The following CFAP65 variants were observed in gnomAD, a reference collection of about 807,000 sequenced individuals.
The protein encoded by CFAP65 is cilia- and flagella-associated protein 65.
In CFAP65, 155 loss-of-function variants were observed where a neutral mutation model predicts 208.0. The ratio of observed to expected loss-of-function variants is 0.75; its 90% CI spans 0.65 to 0.85. The LOEUF is 0.85. Ranked by LOEUF, CFAP65 falls within the 40% of genes least tolerant of loss-of-function variation. The pLI is 0.00. For synonymous variants in CFAP65, 970 were observed against 986.3 expected, an observed-to-expected ratio of 0.98 and a Z score of 0.31; for missense variants, 2,294 against 2,451.3, an observed-to-expected ratio of 0.94 and a Z score of 1.36.
intron 20 of CFAP65, 102 bp from the exon 21 acceptor site, chr2:219,019,281 C>A: frequency 7.1e-7 from 1 of 1,410,010 alleles, no homozygotes; most frequent in Non-Finnish European, 9.6e-7. Flanking sequence ...CAAGTGGGAA[C>A]TGGAGAATCT....
At position 219,023,262 on chromosome 2, in the gene CFAP65, C is replaced by G; in HGVS notation, c.2765G>C (p.Arg922Pro). The change falls in exon 16 of 35, where the codon CGA becomes CCA. Residue 922 changes from arginine to proline, a missense_variant. Coordinates refer to ENST00000341552, the MANE Select transcript of CFAP65 (RefSeq NM_194302.4). ...GGAGGGCTGGACAGCCAGCAGCTTT[C>G]GATGCTGCTCAGAGACCCTCCACTC... ...QFEWRVSEQHRKLLAVQPSRG... is the reference protein window; with the variant it reads ...QFEWRVSEQHPKLLAVQPSRG... The G allele has an allele frequency of 6.2e-7, 1 of 1,612,982 alleles. No homozygotes were observed. Among genetic ancestry groups the G allele is most frequent in the Non-Finnish European group, 8.5e-7 (1 of 1,179,874 alleles).
intron 13 of CFAP65, 60 bp from the exon 14 acceptor site, chr2:219,026,219 C>A: frequency 4.5e-6 from 7 of 1,555,402 alleles, no homozygotes; most frequent in Non-Finnish European, 6.1e-6. Flanking sequence ...TGTGGGGCAC[C>A]CCATTTTGCC....
rs143544623 is a variant in CFAP65 at position 219,030,164 on chromosome 2, G to C, written c.1206C>G (p.Ala402=). The C allele has an allele frequency of 6.2e-7, 1 of 1,614,130 alleles. No individual in the cohort carries two copies. The highest frequency in any genetic ancestry group is 1.3e-5 in the African/African-American group (1 of 75,020). ...FRIEISPDEL[A]EDQAFSCPTA... is the part of the protein sequence containing the mutation. ...TGGGGCATGAGAAGGCCTGGTCTTC[G>C]GCCAGTTCATCCGGGGAAATTTCAA... The change falls in exon 10 of 35, where the codon GCC becomes GCG. Residue 402 remains alanine (A), a synonymous_variant. Coordinates refer to ENST00000341552, the MANE Select transcript of CFAP65 (RefSeq NM_194302.4).
Position 219,010,918 on chromosome 2 carries a change from T to C in CFAP65, c.4036A>G (p.Lys1346Glu), listed in dbSNP as rs746957119. 20 of 1,613,788 alleles carry C rather than the reference T, an allele frequency of 1.2e-5. No individual in the cohort carries two copies. In the South Asian group the frequency reaches 1.9e-4, roughly 15 times the overall value. ...CAAAAGATGGGGTGATCAAAATTTT[T>C]TTCCTGAACCTGTGACAGGACATCG... The part of the protein sequence containing the change: ...QTDVLSQVQE[K>E]NFDHPIFCCL... The change falls in exon 25 of 35, where the codon AAA (lysine) becomes GAA (glutamate). Residue 1346 changes from lysine (K) to glutamate (E), a missense_variant. By Grantham distance (56) the Lys-to-Glu change is moderately conservative (BLOSUM62 1). Transcript: ENST00000341552.
In CFAP65 at chr2:219,004,528, C is replaced by T; in HGVS notation, c.5052-73G>A. The T allele has an allele frequency of 1.3e-6, 2 of 1,499,434 alleles. No individual in the cohort carries two copies. The highest frequency in any genetic ancestry group is 1.8e-6 in the Non-Finnish European group (2 of 1,118,752). 92.9% of individuals were successfully genotyped at this position (1,499,434 alleles called of 1,614,324 possible). A position where few individuals can be genotyped will look rare whatever the true frequency, so the allele number is the denominator to read the frequency against. On this transcript the variant is annotated intron_variant, in intron 32 of 34. Transcript: ENST00000341552. This position sits in a 1 kb window ranked among gnomAD's most constrained non-coding sequence, Gnocchi z 4.7. ...CCCCTGGGGAGCCCTGGCTTCAGAG[C>T]TAGGTTCTAGGTGGGAAAGGGGCTG...
At chr2:219,025,317 T>G (rs6727040) in intron 14 of CFAP65, among the ~76,000 whole-genome samples, 9,320 of 152,174 alleles carry the variant, frequency 0.061, 935 homozygotes, top group African/African-American at 0.21. Flanking sequence ...GGGTGGTATA[T>G]GTTTGGGATA....
Position 219,019,731 on chromosome 2 carries a change from G to A in CFAP65, c.3260-12C>T, listed in dbSNP as rs374894795. ...CCCAGCCTTGTTATCTGGGGAGGGG[G>A]GTGAGGAAGACAGAAGTGGGCTTGC... On this transcript the variant is annotated splice_polypyrimidine_tract_variant and intron_variant, in intron 19 of 34. Coordinates refer to ENST00000341552, the MANE Select transcript of CFAP65 (RefSeq NM_194302.4). The A allele has an allele frequency of 2.5e-4, 400 of 1,610,862 alleles. No individual in the cohort carries two copies. Among genetic ancestry groups the A allele is most frequent in the Non-Finnish European group, 3.3e-4 (391 of 1,178,660 alleles).
At position 219,031,755 on chromosome 2, in the gene CFAP65, G is replaced by C; in HGVS notation, c.646-97C>G. 1 of 1,456,462 alleles carries C rather than the reference G, an allele frequency of 6.9e-7. No homozygotes were observed. Among genetic ancestry groups the C allele is most frequent in the East Asian group, 2.3e-5 (1 of 43,118 alleles). 90.2% of individuals were successfully genotyped at this position (1,456,462 alleles called of 1,614,324 possible). A position where few individuals can be genotyped will look rare whatever the true frequency, so the allele number is the denominator to read the frequency against. On this transcript the variant is annotated intron_variant, in intron 6 of 34. Transcript: ENST00000341552. The surrounding 1 kb of genome is among the most constrained non-coding windows in gnomAD (Gnocchi z 5.2). ...CAGCCACCCCCAACACAACCGCTGAGGGGAGGGCCAGGCCGTGGCACCCAC... is the reference window on the plus strand; with the variant it reads ...CAGCCACCCCCAACACAACCGCTGACGGGAGGGCCAGGCCGTGGCACCCAC...
chr2:219,027,642 GCACA>G lies in CFAP65; in HGVS notation c.2211+4_2211+7del. 6.2e-7 allele frequency: 1 copy of G among 1,613,726 alleles called. No individual in the cohort carries two copies. The highest frequency in any genetic ancestry group is 8.5e-7 in the Non-Finnish European group (1 of 1,180,040). On this transcript the variant is annotated splice_donor_5th_base_variant and intron_variant, in intron 13 of 34. Transcript: ENST00000341552. ...CCCGCATTCCTCCCTCTCATTGCGT[GCACA>G]CACCTTATAGATGGCGAAGGCTTCG...
chr2:219,029,303 A>G (rs1947858144), intron 11 of CFAP65, 100 bp downstream of exon 11: 11 of 1,447,996 alleles, frequency 7.6e-6, no homozygotes, highest in Non-Finnish European at 1.0e-5. Flanking sequence ...CAGCCCTAGA[A>G]GTTCCAGAAT....
Position 219,028,376 on chromosome 2 carries a change from C to T in CFAP65, c.1676G>A (p.Gly559Glu). Residue 559 changes from glycine (G) to glutamate (E), a missense_variant, in exon 12 of 35, where the codon GGG becomes GAG. Around this residue, in one of 2 missense-constraint regions of CFAP65, gnomAD observed 867 missense variants for 1,012.6 expected, o/e 0.86. Transcript: ENST00000341552. ...CTTGGTGCTGTCCGAGTGGCAGGTC[C>T]CCATCAGGTCCAGGAACAGTGGGTC... Reference protein sequence around the residue: ...HQDPLFLDLMGTCHSDSTKPA... With the variant: ...HQDPLFLDLMETCHSDSTKPA... 2 of 1,613,316 alleles carry T rather than the reference C, an allele frequency of 1.2e-6. No homozygotes were observed. The highest frequency in any genetic ancestry group is 1.7e-6 in the Non-Finnish European group (2 of 1,179,924).
In CFAP65 at chr2:219,035,598, T is replaced by G. The variant is rs75663378; in HGVS notation, c.424A>C (p.Ile142Leu). 1.2e-3 allele frequency: 1,915 copies of G among 1,614,144 alleles called. 38 individuals carry two copies. The East Asian group carries it at 0.033, about 28-fold the overall frequency. The change falls in exon 5 of 35, where the codon ATC (isoleucine) becomes CTC (leucine). Residue 142 changes from isoleucine (I) to leucine (L), a missense_variant. Ile to Leu is a conservative substitution (Grantham distance 5). Coordinates refer to ENST00000341552, the MANE Select transcript of CFAP65 (RefSeq NM_194302.4). ...TCCTCAGCCACCTCAATGCCCCAGA[T>G]GACCCTCTTGTTCACTCTCTCCTGC... ...KKQERVNKRVIWGIEVAEELH... is the reference protein window; with the variant it reads ...KKQERVNKRVLWGIEVAEELH...
chr2:219,019,725 GA>G lies in CFAP65; in HGVS notation c.3260-7del. The G allele has an allele frequency of 1.2e-6, 2 of 1,612,042 alleles. No individual in the cohort carries two copies. The highest frequency in any genetic ancestry group is 1.7e-6 in the Non-Finnish European group (2 of 1,179,444). ...CTTCTCCCCAGCCTTGTTATCTGGG[GA>G]GGGGGGTGAGGAAGACAGAAGTGGG... is the stretch of plus-strand genomic sequence containing the variant. On this transcript the variant is annotated splice_region_variant and splice_polypyrimidine_tract_variant and intron_variant, in intron 19 of 34. Coordinates refer to ENST00000341552, the MANE Select transcript of CFAP65 (RefSeq NM_194302.4).
Position 219,031,766 on chromosome 2 carries a change from G to A in CFAP65, c.646-108C>T. On this transcript the variant is annotated intron_variant, in intron 6 of 34. Coordinates refer to ENST00000341552, the MANE Select transcript of CFAP65 (RefSeq NM_194302.4). This position sits in a 1 kb window ranked among gnomAD's most constrained non-coding sequence, Gnocchi z 5.2. The stretch of plus-strand genomic sequence containing the variant: ...AACACAACCGCTGAGGGGAGGGCCA[G>A]GCCGTGGCACCCACGTCAGACTCTG... 7.3e-7 allele frequency: 1 copy of A among 1,367,882 alleles called. No individual in the cohort carries two copies. The highest frequency in any genetic ancestry group is 9.9e-7 in the Non-Finnish European group (1 of 1,006,184). 84.7% of individuals were successfully genotyped at this position (1,367,882 alleles called of 1,614,324 possible). A position where few individuals can be genotyped will look rare whatever the true frequency, so the allele number is the denominator to read the frequency against.
At chr2:219,018,930 T>C (rs1947084514) in intron 21 of CFAP65, 121 bp downstream of exon 21, 3 of 1,360,022 alleles carry the variant, frequency 2.2e-6, no homozygotes, top group Admixed American at 1.9e-5. Flanking sequence ...CAATGTGAGG[T>C]CCACTCTTCA....
rs150338958 is a variant in CFAP65, at chr2:219,023,306, C to T, written c.2721G>A (p.Ser907=). The T allele has an allele frequency of 3.6e-4, 586 of 1,613,170 alleles. No homozygotes were observed. The highest frequency in any genetic ancestry group is 4.7e-4 in the Non-Finnish European group (550 of 1,179,856). Residue 907 remains serine, a synonymous_variant, in exon 16 of 35, where the codon TCG becomes TCA. Coordinates refer to ENST00000341552, the MANE Select transcript of CFAP65 (RefSeq NM_194302.4). ...TCCACTCGAACTGCAGGGGCAGACG[C>T]GAGGGGTTGCGGAAGGTGAAGGGGC... ...STSPFTFRNP[S]RLPLQFEWRV...
intron 24 of CFAP65, among the ~76,000 whole-genome samples, chr2:219,011,948 C>A (rs1310187610): frequency 6.6e-6 from 1 of 152,182 alleles, no homozygotes; most frequent in East Asian, 1.9e-4. Flanking sequence ...GGTGATTCGG[C>A]CACAAGGGCG....
intron 14 of CFAP65, 102 bp downstream of exon 14, chr2:219,025,920 T>C: frequency 7.0e-7 from 1 of 1,423,984 alleles, no homozygotes; most frequent in Non-Finnish European, 9.7e-7. Context: ...GGTGCAAAGA[T>C]GTGTTTCTGA....
intron 21 of CFAP65, among the ~76,000 whole-genome samples, chr2:219,016,927 G>A (rs144080941): frequency 3.9e-4 from 59 of 152,302 alleles, no homozygotes; most frequent in African/African-American, 1.3e-3. Context: ...CTCCAGCCAC[G>A]CGGTGTACAC....
Sources: allele counts gnomAD v4.1 joint callset (sites outside exome capture counted in the v4.1 genomes callset), GRCh38; gene constraint gnomAD v4.1.1; regional missense constraint gnomAD v4.1.1; non-coding constraint Gnocchi (gnomAD v3.1); transcripts MANE v1.5; gene names NCBI Gene and HGNC (gene_info 2026-07-23, HGNC 2026-07-21).